MME: variants seen among roughly 807,000 people sequenced by gnomAD.
The protein encoded by MME is membrane metalloendopeptidase.
Under a neutral mutation model 113.2 loss-of-function variants are expected in MME, and 98 were observed. That is an observed-to-expected ratio of 0.87 (90% CI 0.74 to 1.02). The LOEUF is 1.02. Among genes scored for constraint, MME ranks in the 50% least tolerant of loss-of-function variants. The pLI is 0.00. For missense variants in MME, 836 were observed against 896.0 expected, an observed-to-expected ratio of 0.93 and a Z score of 0.86; for synonymous variants, 292 against 300.6, an observed-to-expected ratio of 0.97 and a Z score of 0.30.
At position 155,134,081 on chromosome 3, in the gene MME, G is replaced by A. The variant is rs186873322; in HGVS notation, c.721-4021G>A. On this transcript the variant is annotated intron_variant, in intron 8 of 22. Coordinates refer to ENST00000360490, the MANE Select transcript of MME (RefSeq NM_007289.4). ...AAAAATTGAGTTGCTGAGAATATACGTAAAATTGTCTTTTCATTTCTGTTA... is the reference window on the plus strand; with the variant it reads ...AAAAATTGAGTTGCTGAGAATATACATAAAATTGTCTTTTCATTTCTGTTA... Among the ~76,000 whole-genome samples, 87 of 152,000 alleles carry A rather than the reference G, an allele frequency of 5.7e-4. 1 individual carries two copies. Among genetic ancestry groups the A allele is most frequent in the Admixed American group, 4.4e-3 (67 of 15,254 alleles).
chr3:155,137,004 C>T (rs1166820554), intron 8 of MME, among the ~76,000 whole-genome samples: 1 of 152,112 alleles, frequency 6.6e-6, no homozygotes, highest in African/African-American at 2.4e-5. Flanking sequence ...TGGTTCAAAC[C>T]TAACAAAAGT....
intron 1 of MME, among the ~76,000 whole-genome samples, chr3:155,057,143 A>G (rs1057178255): frequency 9.9e-5 from 15 of 152,150 alleles, no homozygotes; most frequent in Non-Finnish European, 2.2e-4. Flanking sequence ...AGAAACTACC[A>G]TCAGAGTGAA....
intron 1 of MME, among the ~76,000 whole-genome samples, chr3:155,058,615 A>T (rs985728052): frequency 5.3e-5 from 8 of 152,304 alleles, no homozygotes; most frequent in South Asian, 2.1e-4. Context: ...AAAAATATTA[A>T]AAAAGGCAAC....
At chr3:155,110,163 G>A (rs1460454512) in intron 3 of MME, among the ~76,000 whole-genome samples, 1 of 152,198 alleles carries the variant, frequency 6.6e-6, no homozygotes, top group African/African-American at 2.4e-5. Flanking sequence ...TACTTGAAAA[G>A]GACTGGAAAG....
intron 2 of MME, 101 bp downstream of exon 2, chr3:155,084,428 C>T: frequency 8.7e-7 from 1 of 1,146,738 alleles, no homozygotes; most frequent in Non-Finnish European, 1.3e-6. Context: ...AGGATAGAGG[C>T]ACTTAAAGAC....
At chr3:155,060,451 A>G (rs1195601897) in intron 1 of MME, among the ~76,000 whole-genome samples, 1 of 152,206 alleles carries the variant, frequency 6.6e-6, no homozygotes, top group Admixed American at 6.5e-5. Context: ...AAGATAATTT[A>G]AATTTTCTTC....
intron 10 of MME, 99 bp from the exon 11 acceptor site, chr3:155,141,892 T>G: frequency 3.1e-6 from 4 of 1,282,344 alleles, no homozygotes; most frequent in East Asian, 2.4e-5. Flanking sequence ...GAATCCCAAG[T>G]GAATATCAAA....
chr3:155,046,237 G>A (rs1713554874), intron 1 of MME, among the ~76,000 whole-genome samples: 1 of 152,104 alleles, frequency 6.6e-6, no homozygotes, highest in African/African-American at 2.4e-5. Context: ...TTACTGACTG[G>A]TTCCTCTGTC....
intron 3 of MME, among the ~76,000 whole-genome samples, chr3:155,094,524 G>C (rs61134262): frequency 9.9e-4 from 151 of 152,182 alleles, no homozygotes; most frequent in African/African-American, 3.5e-3. Context: ...CAAATCAAAA[G>C]GCGAACAGTG....
chr3:155,064,511 G>T (rs192906521), intron 1 of MME, among the ~76,000 whole-genome samples: 1 of 152,254 alleles, frequency 6.6e-6, no homozygotes, highest in Admixed American at 6.5e-5. Context: ...GTGAAATAAT[G>T]AGGACTATCA....
chr3:155,106,286 T>A (rs577531954), intron 3 of MME, among the ~76,000 whole-genome samples: 1 of 152,314 alleles, frequency 6.6e-6, no homozygotes. Context: ...TAACCAGTGG[T>A]TGACAGGGAG....
At chr3:155,056,684 G>T (rs573184444) in intron 1 of MME, among the ~76,000 whole-genome samples, 28 of 152,162 alleles carry the variant, frequency 1.8e-4, no homozygotes, top group Admixed American at 7.9e-4. Flanking sequence ...GTCCTTTGGG[G>T]ATATACCCAG....
chr3:155,084,116 T>C, intron 1 of MME, 42 bp from the exon 2 acceptor site: 1 of 1,477,288 alleles, frequency 6.8e-7, no homozygotes. Context: ...TTTTCTTTTT[T>C]ATTTATTTGT....
At chr3:155,096,811 C>G (rs147615991) in intron 3 of MME, among the ~76,000 whole-genome samples, 6,946 of 152,166 alleles carry the variant, frequency 0.046, 186 homozygotes, top group Middle Eastern at 0.051. Context: ...TCAACTTCCC[C>G]AGACTCAGGC....
Position 155,142,097 on chromosome 3 carries a change from T to A in MME, c.1064T>A (p.Leu355His). 6.2e-7 allele frequency: 1 copy of A among 1,613,868 alleles called. No homozygotes were observed. ...VVYAPEYLTKLKPILTKYSAR... is the reference protein window; with the variant it reads ...VVYAPEYLTKHKPILTKYSAR... ...TATGCTCCAGAATATTTAACCAAAC[T>A]TAAGCCCATTCTTACCAAATATTCT... Residue 355 changes from leucine to histidine, a missense_variant, in exon 11 of 23, where the codon CTT becomes CAT. Coordinates refer to ENST00000360490, the MANE Select transcript of MME (RefSeq NM_007289.4).
intron 1 of MME, among the ~76,000 whole-genome samples, chr3:155,034,619 T>A (rs1255653416): frequency 2.0e-5 from 3 of 152,194 alleles, no homozygotes; most frequent in South Asian, 2.1e-4. Flanking sequence ...CAATTGAGAT[T>A]TTTATAAAGC....
At chr3:155,029,606 G>C (rs1712899979) in intron 1 of MME, among the ~76,000 whole-genome samples, 1 of 151,808 alleles carries the variant, frequency 6.6e-6, no homozygotes. Context: ...ACAGTTTTAG[G>C]ACCTTAAAAT....
chr3:155,160,374 C>T lies in MME; in HGVS notation c.1602-16C>T, dbSNP rs781757080. 1 of 1,586,390 alleles carries T rather than the reference C, an allele frequency of 6.3e-7. No individual in the cohort carries two copies. Among genetic ancestry groups the T allele is most frequent in the African/African-American group, 1.3e-5 (1 of 74,352 alleles). ...AATGCAGTATCATTTGTAAAGAGTT[C>T]TTATGTTTTCTACAGGTGGATAAGT... On this transcript the variant is annotated splice_polypyrimidine_tract_variant and intron_variant, in intron 16 of 22. Transcript: ENST00000360490.
intron 1 of MME, among the ~76,000 whole-genome samples, chr3:155,035,244 TATA>T (rs58247483): frequency 0.053 from 7,958 of 148,976 alleles, 615 homozygotes; most frequent in African/African-American, 0.17. Context: ...TTAATAATAC[TATA>T]ATGTCTATAA....
Sources: allele counts gnomAD v4.1 joint callset (sites outside exome capture counted in the v4.1 genomes callset), GRCh38; gene constraint gnomAD v4.1.1; transcripts MANE v1.5; gene names NCBI Gene and HGNC (gene_info 2026-07-23, HGNC 2026-07-21).